Variants in TPR observed in about 807,000 individuals in gnomAD.
TPR encodes the protein translocated promoter region, nuclear basket protein, also known as nucleoprotein TPR.
A neutral mutation model predicts 316.1 loss-of-function variants in TPR; 51 were observed. That is an observed-to-expected ratio of 0.16 (90% CI 0.13 to 0.20). The LOEUF (loss-of-function observed/expected upper bound fraction) is 0.20, where lower values mean the gene tolerates loss of function less well. Ranked by LOEUF, TPR falls within the 10% of genes least tolerant of loss-of-function variation. The probability of loss-of-function intolerance (pLI) is 1.00; values close to 1 mark genes in which losing one functional copy is unlikely to be tolerated. For missense variants in TPR, 2,272 were observed against 2,754.8 expected, an observed-to-expected ratio of 0.82 and a Z score of 3.92; for synonymous variants, 981 against 914.7, an observed-to-expected ratio of 1.07 and a Z score of -1.31.
intron 14 of TPR, 84 bp downstream of exon 14, chr1:186,357,313 T>C (rs147445773): frequency 4.4e-6 from 6 of 1,369,930 alleles, no homozygotes; most frequent in African/African-American, 1.4e-5. Context: ...TCCCAAAACG[T>C]TGGGATTACA....
chr1:186,321,233 T>G (rs1361339580), intron 45 of TPR, among the ~76,000 whole-genome samples: 1 of 152,218 alleles, frequency 6.6e-6, no homozygotes, highest in African/African-American at 2.4e-5. Flanking sequence ...TGTGGCTAAC[T>G]GAGCAAGTTT....
intron 35 of TPR, 75 bp from the exon 36 acceptor site, chr1:186,334,608 AG>A: frequency 6.9e-7 from 1 of 1,443,682 alleles, no homozygotes; most frequent in Non-Finnish European, 9.4e-7. Context: ...CAGTGAGTAT[AG>A]GTCTCCATTT....
At chr1:186,333,450 TTA>T in intron 36 of TPR, 56 bp from the exon 37 acceptor site, 6 of 1,580,944 alleles carry the variant, frequency 3.8e-6, no homozygotes, top group Non-Finnish European at 5.2e-6. Context: ...AAAGCTGAAA[TTA>T]TCCTTCCTAT....
intron 4 of TPR, among the ~76,000 whole-genome samples, chr1:186,366,610 A>G (rs1369257615): frequency 6.6e-6 from 1 of 152,212 alleles, no homozygotes; most frequent in Non-Finnish European, 1.5e-5. Context: ...TGCCATAGTT[A>G]ATTACAAATT....
chr1:186,327,407 AG>A, intron 40 of TPR, 52 bp downstream of exon 40: 1 of 1,570,508 alleles, frequency 6.4e-7, no homozygotes, highest in Non-Finnish European at 8.6e-7. Context: ...CAAGGATTTG[AG>A]CACTTTCATC....
chr1:186,362,400 CA>C lies in TPR; in HGVS notation c.697-21del, dbSNP rs774030369. On this transcript the variant is annotated intron_variant, in intron 6 of 50. Coordinates refer to ENST00000367478, the MANE Select transcript of TPR (RefSeq NM_003292.3). ...AGAAACCTAAAAACAAAAAATAGAGCAGGGGGAAAGGATGTCATATTAACTG... is the reference window on the plus strand; with the variant it reads ...AGAAACCTAAAAACAAAAAATAGAGCGGGGGAAAGGATGTCATATTAACTG... 8 of 1,580,594 alleles carry C rather than the reference CA, an allele frequency of 5.1e-6. No individual in the cohort carries two copies. In the Admixed American group the frequency reaches 6.7e-5, roughly 13 times the overall value.
At position 186,326,093 on chromosome 1, in the gene TPR, T is replaced by C. The variant is rs765469660; in HGVS notation, c.6021+11A>G. 22 of 1,613,606 alleles carry C rather than the reference T, an allele frequency of 1.4e-5. No individual in the cohort carries two copies. In the Admixed American group the frequency reaches 1.8e-4, roughly 13 times the overall value. The stretch of plus-strand genomic sequence containing the variant: ...AAAGAACTATGAATGGTTAAAATTC[T>C]AGCCAGTTACCTCAGCATCATCAGC... On this transcript the variant is annotated intron_variant, in intron 41 of 50. Coordinates refer to ENST00000367478, the MANE Select transcript of TPR (RefSeq NM_003292.3).
intron 4 of TPR, among the ~76,000 whole-genome samples, chr1:186,366,916 T>C (rs1307543097): frequency 6.6e-6 from 1 of 151,820 alleles, no homozygotes; most frequent in Non-Finnish European, 1.5e-5. Context: ...CACTCAAGTA[T>C]TTTGAAGGAA....
In TPR at chr1:186,312,217, A is replaced by G. The variant is rs766817116; in HGVS notation, c.*1754T>C. 2 of 1,613,978 alleles carry G rather than the reference A, an allele frequency of 1.2e-6. No individual in the cohort carries two copies. The highest frequency in any genetic ancestry group is 2.7e-5 in the African/African-American group (2 of 74,926). ...TATATTTATAAACAGGAACCTGTAC[A>G]GAAGTGCCCTGGAAGAAGGCCTGCT... On this transcript the variant is annotated 3_prime_UTR_variant, in exon 51 of 51. Coordinates refer to ENST00000367478, the MANE Select transcript of TPR (RefSeq NM_003292.3).
chr1:186,343,448 C>A lies in TPR; in HGVS notation c.3628G>T (p.Ala1210Ser). ...LRFIRREKEI[A>S]ETRFEVAQVE... ...TGAGCCACCTCAAACCTAGTTTCAG[C>A]AATTTCTTTTTCTCGTCGTATAAAT... The change falls in exon 27 of 51, where the codon GCT becomes TCT. Residue 1210 changes from alanine (A) to serine (S), a missense_variant. Ala to Ser is a moderately conservative substitution (Grantham distance 99). Transcript: ENST00000367478. 3 of 1,613,024 alleles carry A rather than the reference C, an allele frequency of 1.9e-6. No homozygotes were observed. The highest frequency in any genetic ancestry group is 1.7e-5 in the Admixed American group (1 of 59,858).
chr1:186,374,352 A>G (rs2101997368), intron 1 of TPR, among the ~76,000 whole-genome samples: 1 of 152,344 alleles, frequency 6.6e-6, no homozygotes, highest in South Asian at 2.1e-4. Flanking sequence ...GATATATTAA[A>G]TTTATGTACT....
intron 1 of TPR, among the ~76,000 whole-genome samples, chr1:186,374,211 T>G (rs971808802): frequency 2.0e-5 from 3 of 152,164 alleles, no homozygotes; most frequent in Admixed American, 2.0e-4. Context: ...AATGACTATA[T>G]TCTTCATATT....
intron 21 of TPR, among the ~76,000 whole-genome samples, chr1:186,349,381 C>T (rs545697818): frequency 5.3e-5 from 8 of 152,268 alleles, no homozygotes; most frequent in Non-Finnish European, 7.4e-5. Context: ...TGGCTGGGCG[C>T]TGTGGCTTAC....
Position 186,331,525 on chromosome 1 carries a change from G to T in TPR, c.5661C>A (p.Asn1887Lys). Residue 1887 changes from asparagine (N) to lysine (K), a missense_variant, in exon 39 of 51, where the codon AAC becomes AAA. Coordinates refer to ENST00000367478, the MANE Select transcript of TPR (RefSeq NM_003292.3). ...CTCCAATGGAATCTTGAGAATCCTG[G>T]TTGTATACCTGAGTCTCTACCTCTC... ...TDGEVETQVY[N>K]QDSQDSIGEG... 1 of 1,608,364 alleles carries T rather than the reference G, an allele frequency of 6.2e-7. No individual in the cohort carries two copies.
At chr1:186,353,565 T>A (rs539587137) in intron 18 of TPR, 123 bp downstream of exon 18, 4 of 1,046,986 alleles carry the variant, frequency 3.8e-6, no homozygotes, top group Non-Finnish European at 5.6e-6. Context: ...TATTAATTAC[T>A]TGGTGTAACC....
Position 186,341,017 on chromosome 1 carries a change from A to G in TPR, c.4020+11T>C. On this transcript the variant is annotated intron_variant, in intron 29 of 50. Transcript: ENST00000367478. ...GTTTCCATGTTTTGGAAGAGTTTTAACTGCATTTACCTGGTTACGTGCTTT... is the reference window on the plus strand; with the variant it reads ...GTTTCCATGTTTTGGAAGAGTTTTAGCTGCATTTACCTGGTTACGTGCTTT... 1 of 1,607,246 alleles carries G rather than the reference A, an allele frequency of 6.2e-7. No homozygotes were observed. The highest frequency in any genetic ancestry group is 8.5e-7 in the Non-Finnish European group (1 of 1,178,322).
At chr1:186,334,202 C>T in intron 36 of TPR, 123 bp downstream of exon 36, 1 of 1,021,136 alleles carries the variant, frequency 9.8e-7, no homozygotes, top group South Asian at 2.2e-5. Context: ...ATATTAAACA[C>T]CCATTTTTAC....
chr1:186,359,756 A>G (rs980802280), intron 12 of TPR, 43 bp downstream of exon 12: 1 of 1,549,460 alleles, frequency 6.5e-7, no homozygotes, highest in Admixed American at 2.4e-5. Context: ...ATCATTTCTC[A>G]TTTGTATTGT....
chr1:186,356,626 G>T, intron 14 of TPR, 177 bp from the exon 15 acceptor site: 1 of 577,856 alleles, frequency 1.7e-6, no homozygotes, highest in Non-Finnish European at 3.0e-6. Context: ...CACCACACAG[G>T]ACTCAGGTAC....
Sources: gnomAD v4.1 joint callset for allele counts (sites outside exome capture counted in the v4.1 genomes callset) on GRCh38, gnomAD v4.1.1 for gene constraint, MANE v1.5 for transcripts, NCBI Gene and HGNC (gene_info 2026-07-23, HGNC 2026-07-21) for gene names.